DOCK3: variants seen among roughly 807,000 people sequenced by gnomAD.
The protein encoded by DOCK3 is dedicator of cytokinesis 3, also known as dedicator of cytokinesis protein 3.
In DOCK3, 60 loss-of-function variants were observed where a neutral mutation model predicts 265.6. The ratio of observed to expected loss-of-function variants is 0.23; its 90% CI spans 0.18 to 0.28. The LOEUF (loss-of-function observed/expected upper bound fraction) is 0.28, where lower values mean the gene tolerates loss of function less well. Ranked by LOEUF, DOCK3 falls within the 10% of genes least tolerant of loss-of-function variation. The probability of loss-of-function intolerance (pLI) is 1.00; values close to 1 mark genes in which losing one functional copy is unlikely to be tolerated. For synonymous variants in DOCK3, 881 were observed against 938.0 expected, an observed-to-expected ratio of 0.94 and a Z score of 1.11; for missense variants, 1,981 against 2,594.3, an observed-to-expected ratio of 0.76 and a Z score of 5.14.
chr3:50,738,887 A>G (rs2038820396), intron 1 of DOCK3, among the ~76,000 whole-genome samples: 1 of 152,114 alleles, frequency 6.6e-6, no homozygotes, highest in South Asian at 2.1e-4. Context: ...ATCATATTTC[A>G]TATCTCCGTT....
chr3:51,236,523 C>G (rs547437163), intron 20 of DOCK3, 95 bp downstream of exon 20: 280 of 1,116,380 alleles, frequency 2.5e-4, no homozygotes, highest in Non-Finnish European at 3.5e-4. Flanking sequence ...TGAATCAGCA[C>G]AAGATATAGA....
intron 1 of DOCK3, among the ~76,000 whole-genome samples, chr3:50,702,381 TTAGA>T (rs1306184280): frequency 4.7e-5 from 7 of 150,384 alleles, no homozygotes; most frequent in Admixed American, 2.7e-4. Context: ...TTCTTTTTTT[TTAGA>T]TAGAGTCTTG....
At chr3:51,133,648 G>C (rs962951992) in intron 9 of DOCK3, among the ~76,000 whole-genome samples, 1 of 152,096 alleles carries the variant, frequency 6.6e-6, no homozygotes. Flanking sequence ...CTTTATAGTA[G>C]CATGATTTAT....
chr3:51,002,625 A>C (rs1469264711), intron 5 of DOCK3, among the ~76,000 whole-genome samples: 2 of 152,218 alleles, frequency 1.3e-5, no homozygotes, highest in African/African-American at 4.8e-5. Flanking sequence ...TTGGGGGAGC[A>C]GTGGCATTTG....
chr3:50,798,137 C>T (rs1341584368), intron 2 of DOCK3, among the ~76,000 whole-genome samples: 1 of 152,116 alleles, frequency 6.6e-6, no homozygotes, highest in African/African-American at 2.4e-5. Flanking sequence ...GAATCTGTTA[C>T]ATGCGAGGGG....
At position 50,985,552 on chromosome 3, in the gene DOCK3, G is replaced by C. The variant is rs112717561; in HGVS notation, c.315+51475G>C. 4.6e-5 allele frequency among the ~76,000 whole-genome samples: 7 copies of C among 152,086 alleles called. 2 individuals carry two copies. Among genetic ancestry groups the C allele is most frequent in the African/African-American group, 1.7e-4 (7 of 41,494 alleles). On this transcript the variant is annotated intron_variant, in intron 5 of 52. Coordinates refer to ENST00000266037, the MANE Select transcript of DOCK3 (RefSeq NM_004947.5). ...GCATAGCTTTTAATCACTTTCAGTG[G>C]GATTCAATAGTACATATTTATTTGT...
At chr3:50,803,926 G>A (rs1239121024) in intron 2 of DOCK3, among the ~76,000 whole-genome samples, 2 of 150,658 alleles carry the variant, frequency 1.3e-5, no homozygotes, top group Non-Finnish European at 3.0e-5. Context: ...GGGTGGAGAC[G>A]CTCCTCACTT....
At chr3:50,839,130 A>G (rs1341217306) in intron 2 of DOCK3, among the ~76,000 whole-genome samples, 1 of 152,216 alleles carries the variant, frequency 6.6e-6, no homozygotes, top group Non-Finnish European at 1.5e-5. Flanking sequence ...GTATGCATTT[A>G]AGATTCCTTC....
chr3:51,256,254 A>G (rs1299637480), intron 22 of DOCK3, among the ~76,000 whole-genome samples: 2 of 152,120 alleles, frequency 1.3e-5, no homozygotes, highest in African/African-American at 2.4e-5. Context: ...CTATTCAGCC[A>G]TCTTGGAACC....
chr3:51,136,260 G>A (rs181728021), intron 9 of DOCK3, among the ~76,000 whole-genome samples: 7 of 149,226 alleles, frequency 4.7e-5, no homozygotes, highest in East Asian at 4.0e-4. Flanking sequence ...ATGGAGTCTC[G>A]CTCGTCACCC....
chr3:51,249,567 C>T (rs1167824975), intron 22 of DOCK3, among the ~76,000 whole-genome samples: 4 of 112,560 alleles, frequency 3.6e-5, no homozygotes, highest in East Asian at 5.4e-4. Flanking sequence ...GTCAGCCCCC[C>T]GCCCGGCCAG....
At chr3:51,080,121 A>G (rs1335720134) in intron 7 of DOCK3, among the ~76,000 whole-genome samples, 1 of 152,172 alleles carries the variant, frequency 6.6e-6, no homozygotes, top group Non-Finnish European at 1.5e-5. Context: ...TCCTTGTAAG[A>G]CTCACAATAT....
intron 14 of DOCK3, among the ~76,000 whole-genome samples, chr3:51,215,065 G>C (rs374225985): frequency 1.3e-5 from 2 of 152,134 alleles, no homozygotes; most frequent in East Asian, 3.9e-4. Context: ...TAAATGTCTG[G>C]TTATCTGGAT....
chr3:51,020,060 A>G (rs976420431), intron 5 of DOCK3, among the ~76,000 whole-genome samples: 5 of 151,900 alleles, frequency 3.3e-5, no homozygotes, highest in African/African-American at 1.2e-4. Context: ...GTCTTCCACA[A>G]TGGTTGAACT....
At chr3:50,706,651 A>G (rs915752276) in intron 1 of DOCK3, among the ~76,000 whole-genome samples, 1 of 152,110 alleles carries the variant, frequency 6.6e-6, no homozygotes, top group African/African-American at 2.4e-5. Context: ...AGACTTGGAA[A>G]GTTTTCAGTT....
chr3:50,905,336 T>C (rs1170238626), intron 4 of DOCK3, among the ~76,000 whole-genome samples: 5 of 151,532 alleles, frequency 3.3e-5, no homozygotes. Context: ...GCATTGAATC[T>C]ATAAATTACC....
chr3:51,162,804 G>T (rs2086202190), intron 12 of DOCK3, among the ~76,000 whole-genome samples: 1 of 152,030 alleles, frequency 6.6e-6, no homozygotes, highest in Non-Finnish European at 1.5e-5. Context: ...ATTTTTCTTA[G>T]TTCCTTCTTA....
chr3:50,875,694 T>G (rs1392862995), intron 3 of DOCK3, among the ~76,000 whole-genome samples: 1 of 152,156 alleles, frequency 6.6e-6, no homozygotes, highest in Non-Finnish European at 1.5e-5. Flanking sequence ...GTTGTTGAAT[T>G]TGAGTATTTA....
Position 51,359,619 on chromosome 3 carries a change from G to T in DOCK3, c.4885-892G>T, listed in dbSNP as rs1464101751. On this transcript the variant is annotated intron_variant, in intron 46 of 52. Coordinates refer to ENST00000266037, the MANE Select transcript of DOCK3 (RefSeq NM_004947.5). The surrounding 1 kb of genome is among the most constrained non-coding windows in gnomAD (Gnocchi z 4.8). The stretch of plus-strand genomic sequence containing the variant: ...ACCCAAGCAGGCTGGAGCCTGGCCA[G>T]TGAGGAGGTTCTCTGCCATGTGGGT... Among the ~76,000 whole-genome samples, 1 of 152,240 alleles carries T rather than the reference G, an allele frequency of 6.6e-6. No individual in the cohort carries two copies. The highest frequency in any genetic ancestry group is 1.5e-5 in the Non-Finnish European group (1 of 68,044).
Sources: gnomAD v4.1 joint callset for allele counts (sites outside exome capture counted in the v4.1 genomes callset) on GRCh38, gnomAD v4.1.1 for gene constraint, Gnocchi (gnomAD v3.1) non-coding constraint, MANE v1.5 for transcripts, NCBI Gene and HGNC (gene_info 2026-07-23, HGNC 2026-07-21) for gene names.